The following PRKN variants were observed in gnomAD, a reference collection of about 807,000 sequenced individuals.
PRKN encodes parkin RBR E3 ubiquitin protein ligase.
Under a neutral mutation model 59.5 loss-of-function variants are expected in PRKN, and 56 were observed. The ratio of observed to expected loss-of-function variants is 0.94; its 90% CI spans 0.76 to 1.18. The LOEUF (loss-of-function observed/expected upper bound fraction) is 1.18. Ranked by LOEUF, PRKN falls within the 50% of genes most tolerant of loss-of-function variation. PRKN has a pLI of 0.00. For missense variants in PRKN, 657 were observed against 596.4 expected (o/e 1.10, Z -1.06); for synonymous variants, 250 against 222.1 (o/e 1.13, Z -1.12).
At chr6:162,055,909 C>T (rs1777837149) in intron 4 of PRKN, among the ~76,000 whole-genome samples, 2 of 151,868 alleles carry the variant, frequency 1.3e-5, no homozygotes, top group African/African-American at 4.8e-5. Flanking sequence ...GTGCTCCCTC[C>T]CTCCCTCCTT....
At chr6:161,829,362 T>A (rs1206599869) in intron 6 of PRKN, among the ~76,000 whole-genome samples, 1 of 152,242 alleles carries the variant, frequency 6.6e-6, no homozygotes, top group African/African-American at 2.4e-5. Context: ...TTCTTCCAAG[T>A]AGACTGCACT....
At chr6:162,087,696 CA>C (rs1449700893) in intron 4 of PRKN, among the ~76,000 whole-genome samples, 1 of 145,804 alleles carries the variant, frequency 6.9e-6, no homozygotes, top group Non-Finnish European at 1.5e-5. Context: ...CAGGTTCAAG[CA>C]ATTCTCCTGC....
intron 2 of PRKN, among the ~76,000 whole-genome samples, chr6:162,274,257 G>A (rs1780515994): frequency 6.6e-6 from 1 of 151,766 alleles, no homozygotes; most frequent in East Asian, 1.9e-4. Flanking sequence ...GCATGATCAG[G>A]GCTCATTGCA....
intron 2 of PRKN, among the ~76,000 whole-genome samples, chr6:162,389,025 C>CAAAA (rs59423044): frequency 8.7e-6 from 1 of 114,472 alleles, no homozygotes; most frequent in South Asian, 2.6e-4. Context: ...AAAAAAAAAA[C>CAAAA]AAAAAAACCT....
intron 5 of PRKN, among the ~76,000 whole-genome samples, chr6:162,010,996 C>CATATTT (rs1250385719): frequency 1.2e-4 from 1 of 8,682 alleles, no homozygotes; most frequent in Non-Finnish European, 1.7e-4. Context: ...ATATTTATAA[C>CATATTT]ATAATATATT....
chr6:161,442,810 C>T lies in PRKN; in HGVS notation c.1084-55933G>A, dbSNP rs1397625389. Among the ~76,000 whole-genome samples, 1 of 152,172 alleles carries T rather than the reference C, an allele frequency of 6.6e-6. No homozygotes were observed. Among genetic ancestry groups the T allele is most frequent in the Non-Finnish European group, 1.5e-5 (1 of 68,040 alleles). ...AGGAAGCAAAAGAGAGGTTCTCTTC[C>T]CTTTCATTTTGGACATCGTAACAAC... On this transcript the variant is annotated intron_variant, in intron 9 of 11. Coordinates refer to ENST00000366898, the MANE Select transcript of PRKN (RefSeq NM_004562.3). The surrounding 1 kb of genome is among the most constrained non-coding windows in gnomAD (Gnocchi z 4.6).
At chr6:162,528,075 GC>G (rs1562358555) in intron 1 of PRKN, among the ~76,000 whole-genome samples, 8 of 62,866 alleles carry the variant, frequency 1.3e-4, no homozygotes, top group African/African-American at 2.4e-4. Flanking sequence ...GGGCGGGGGG[GC>G]GGGAGGGGTG....
intron 4 of PRKN, among the ~76,000 whole-genome samples, chr6:162,194,988 G>A (rs910372286): frequency 3.9e-5 from 6 of 152,116 alleles, no homozygotes; most frequent in Non-Finnish European, 5.9e-5. Flanking sequence ...AGATGGTGGC[G>A]TGAAGGGCGA....
At chr6:162,000,867 G>C (rs763736395) in intron 5 of PRKN, among the ~76,000 whole-genome samples, 3 of 150,402 alleles carry the variant, frequency 2.0e-5, no homozygotes, top group Non-Finnish European at 4.4e-5. Flanking sequence ...TTGCATGTTT[G>C]CATCCAGTTG....
rs1789462181 is a variant in PRKN, at chr6:161,445,826, TTCC to T, written c.1084-58952_1084-58950del. The stretch of plus-strand genomic sequence containing the variant: ...TTCCCTTCCCTTCCCTTCCCTTCCC[TTCC>T]CTTCCCTATCGACAGCCTTGCAGGG... On this transcript the variant is annotated intron_variant, in intron 9 of 11. Transcript: ENST00000366898. The surrounding 1 kb of genome is among the most constrained non-coding windows in gnomAD (Gnocchi z 7.7). 2.0e-5 allele frequency among the ~76,000 whole-genome samples: 3 copies of T among 151,874 alleles called. No homozygotes were observed. The highest frequency in any genetic ancestry group is 4.2e-4 in the South Asian group (2 of 4,800).
Position 162,035,165 on chromosome 6 carries a change from AT to A in PRKN, c.618+18925del, listed in dbSNP as rs1424641677. Reference sequence around the variant, plus strand: ...GGAAAGGGGCCCAGGCCAGAGAGAGATATATATATATATAGAGAGAGGCTAG... The same window carrying A: ...GGAAAGGGGCCCAGGCCAGAGAGAGAATATATATATATAGAGAGAGGCTAG... On this transcript the variant is annotated intron_variant, in intron 5 of 11. Transcript: ENST00000366898. Among the ~76,000 whole-genome samples, 4 of 25,474 alleles carry A rather than the reference AT, an allele frequency of 1.6e-4. No homozygotes were observed. The African/African-American group carries it at 3.4e-3, about 22-fold the overall frequency. The allele number at this position is 25,474 out of a possible 152,430, so 16.7% of individuals were successfully genotyped here. A position where few individuals can be genotyped will look rare whatever the true frequency, so the allele number is the denominator to read the frequency against.
At chr6:162,149,271 G>A (rs754789555) in intron 4 of PRKN, among the ~76,000 whole-genome samples, 1 of 151,884 alleles carries the variant, frequency 6.6e-6, no homozygotes, top group Non-Finnish European at 1.5e-5. Flanking sequence ...TTAAGACAGG[G>A]TCTCACTCTG....
At chr6:162,536,938 C>G (rs1778744591) in intron 1 of PRKN, among the ~76,000 whole-genome samples, 1 of 152,086 alleles carries the variant, frequency 6.6e-6, no homozygotes, top group Non-Finnish European at 1.5e-5. Context: ...TATATATGTA[C>G]ACCAAAGTTT....
At chr6:162,203,881 T>C (rs1784833298) in intron 3 of PRKN, among the ~76,000 whole-genome samples, 1 of 152,208 alleles carries the variant, frequency 6.6e-6, no homozygotes, top group Non-Finnish European at 1.5e-5. Flanking sequence ...TTCCTCTTTT[T>C]GTATAGTAAG....
rs1367102964 is a variant in PRKN at position 161,442,698 on chromosome 6, G to A, written c.1084-55821C>T. The stretch of plus-strand genomic sequence containing the variant: ...AATTTAGCTGTTCCTTCGGGGCCCC[G>A]CTTACACACCAACACCCATGAATGC... On this transcript the variant is annotated intron_variant, in intron 9 of 11. Coordinates refer to ENST00000366898, the MANE Select transcript of PRKN (RefSeq NM_004562.3). The surrounding 1 kb of genome is among the most constrained non-coding windows in gnomAD (Gnocchi z 4.6). Among the ~76,000 whole-genome samples the A allele has an allele frequency of 1.3e-5, 2 of 152,134 alleles. No individual in the cohort carries two copies. The highest frequency in any genetic ancestry group is 2.9e-5 in the Non-Finnish European group (2 of 68,008).
At chr6:161,814,593 C>T (rs934996021) in intron 6 of PRKN, among the ~76,000 whole-genome samples, 2 of 152,132 alleles carry the variant, frequency 1.3e-5, no homozygotes, top group Non-Finnish European at 2.9e-5. Flanking sequence ...ACCTCCGCCT[C>T]CCGGGTTCAA....
At chr6:161,432,347 T>C (rs1788681706) in intron 9 of PRKN, among the ~76,000 whole-genome samples, 1 of 148,962 alleles carries the variant, frequency 6.7e-6, no homozygotes, top group Admixed American at 6.8e-5. Flanking sequence ...CAATATTCAC[T>C]TCCTCTGATT....
intron 4 of PRKN, among the ~76,000 whole-genome samples, chr6:162,075,450 A>C (rs1340969346): frequency 1.3e-5 from 2 of 152,126 alleles, no homozygotes; most frequent in Non-Finnish European, 2.9e-5. Context: ...CATAAAACTT[A>C]ACTTGATCGC....
At chr6:162,140,225 T>G (rs1380292569) in intron 4 of PRKN, among the ~76,000 whole-genome samples, 1 of 152,226 alleles carries the variant, frequency 6.6e-6, no homozygotes, top group Non-Finnish European at 1.5e-5. Flanking sequence ...TGTTTAAAAT[T>G]ATAATTTCTA....
Sources: allele counts gnomAD v4.1 joint callset (sites outside exome capture counted in the v4.1 genomes callset), GRCh38; gene constraint gnomAD v4.1.1; non-coding constraint Gnocchi (gnomAD v3.1); transcripts MANE v1.5; gene names NCBI Gene and HGNC (gene_info 2026-07-23, HGNC 2026-07-21).